CACNA2D3: variants seen among roughly 807,000 people sequenced by gnomAD.
CACNA2D3 encodes the protein voltage-dependent calcium channel subunit alpha-2/delta-3.
Under a neutral mutation model 160.6 loss-of-function variants are expected in CACNA2D3, and 60 were observed. The ratio of observed to expected loss-of-function variants is 0.37; its 90% confidence interval spans 0.30 to 0.46. The LOEUF (loss-of-function observed/expected upper bound fraction) is 0.46. Among genes scored for constraint, CACNA2D3 ranks in the 20% least tolerant of loss-of-function variants. The probability of loss-of-function intolerance (pLI) is 1.00; values close to 1 mark genes in which losing one functional copy is unlikely to be tolerated. For missense variants in CACNA2D3, 1,205 were observed against 1,365.0 expected (o/e 0.88, Z 1.85); for synonymous variants, 558 against 492.9 (o/e 1.13, Z -1.75).
chr3:54,808,485 G>A (rs1056081824), intron 13 of CACNA2D3, among the ~76,000 whole-genome samples: 13 of 152,030 alleles, frequency 8.6e-5, no homozygotes, highest in Non-Finnish European at 1.5e-4. Context: ...GTGGGAGAGG[G>A]GTGTAAATGA....
At chr3:54,796,407 C>A (rs963219834) in intron 13 of CACNA2D3, among the ~76,000 whole-genome samples, 1 of 152,058 alleles carries the variant, frequency 6.6e-6, no homozygotes, top group African/African-American at 2.4e-5. Context: ...TCATTGTTAG[C>A]CACTGGATCC....
chr3:55,002,127 G>A (rs1008822192), intron 31 of CACNA2D3, among the ~76,000 whole-genome samples: 2 of 149,890 alleles, frequency 1.3e-5, no homozygotes, highest in African/African-American at 5.0e-5. Flanking sequence ...TTGCACTCCA[G>A]CTTGGGTGAC....
At chr3:54,141,405 C>G (rs1367120512) in intron 2 of CACNA2D3, among the ~76,000 whole-genome samples, 1 of 152,102 alleles carries the variant, frequency 6.6e-6, no homozygotes, top group Non-Finnish European at 1.5e-5. Flanking sequence ...TTAAGCCTCC[C>G]AACCAACCTG....
At chr3:54,371,263 C>G (rs1248509109) in intron 3 of CACNA2D3, among the ~76,000 whole-genome samples, 2 of 152,002 alleles carry the variant, frequency 1.3e-5, no homozygotes, top group African/African-American at 2.4e-5. Flanking sequence ...TATGGTAACT[C>G]TTGTATTTAA....
chr3:54,811,912 A>G (rs1398668114), intron 13 of CACNA2D3, among the ~76,000 whole-genome samples: 2 of 152,216 alleles, frequency 1.3e-5, no homozygotes, highest in Admixed American at 1.3e-4. Flanking sequence ...CATCTGCAGA[A>G]TTAGAGTAAT....
intron 3 of CACNA2D3, among the ~76,000 whole-genome samples, chr3:54,335,310 A>C (rs1394159216): frequency 6.6e-6 from 1 of 152,218 alleles, no homozygotes; most frequent in East Asian, 1.9e-4. Flanking sequence ...TAAGAAAGTA[A>C]AGGAATAAAG....
At chr3:54,544,461 T>C (rs1238897279) in intron 5 of CACNA2D3, among the ~76,000 whole-genome samples, 1 of 152,078 alleles carries the variant, frequency 6.6e-6, no homozygotes, top group Non-Finnish European at 1.5e-5. Flanking sequence ...TGGAGTGCAG[T>C]GGCATGATCA....
chr3:54,483,824 C>T (rs1700972075), intron 4 of CACNA2D3, among the ~76,000 whole-genome samples: 1 of 152,178 alleles, frequency 6.6e-6, no homozygotes, highest in East Asian at 1.9e-4. Flanking sequence ...AATAGGTCAA[C>T]TCATTCAAAC....
At chr3:54,952,193 A>G (rs1210369606) in intron 27 of CACNA2D3, among the ~76,000 whole-genome samples, 1 of 152,084 alleles carries the variant, frequency 6.6e-6, no homozygotes, top group East Asian at 1.9e-4. Flanking sequence ...TTGGTTCTAT[A>G]CTATTTCTTC....
intron 27 of CACNA2D3, chr3:54,901,251 A>G (rs1245033739): frequency 2.6e-5 from 4 of 152,230 alleles, no homozygotes; most frequent in African/African-American, 7.2e-5. Flanking sequence ...TGGTCTGGCC[A>G]GAATATCTGG....
At chr3:55,067,021 A>C (rs1157606435) in intron 35 of CACNA2D3, among the ~76,000 whole-genome samples, 1 of 151,688 alleles carries the variant, frequency 6.6e-6, no homozygotes, top group Non-Finnish European at 1.5e-5. Flanking sequence ...GGCCCCTCCG[A>C]AGCACCATGT....
At chr3:54,809,760 CT>C (rs1703250275) in intron 13 of CACNA2D3, among the ~76,000 whole-genome samples, 1 of 150,422 alleles carries the variant, frequency 6.6e-6, no homozygotes, top group Non-Finnish European at 1.5e-5. Context: ...CCTCCCTGAT[CT>C]TTTTTTCTTT....
intron 13 of CACNA2D3, among the ~76,000 whole-genome samples, chr3:54,779,505 T>G (rs1358373274): frequency 1.3e-5 from 2 of 152,184 alleles, no homozygotes; most frequent in South Asian, 4.1e-4. Context: ...CAGTTGTACT[T>G]GTAATGTGCT....
rs537757810 is a variant in CACNA2D3, at chr3:54,402,188, C to T, written c.381+15414C>T. 7.3e-5 allele frequency among the ~76,000 whole-genome samples: 11 copies of T among 151,590 alleles called. No individual in the cohort carries two copies. In the South Asian group the frequency reaches 2.3e-3, roughly 32 times the overall value. On this transcript the variant is annotated intron_variant, in intron 4 of 37. Transcript: ENST00000474759. ...AGCACTACAGAAACTTACTAGATTA[C>T]AAAGATAAAAAACAAGAGAGGGAGA...
At chr3:54,381,640 C>T (rs191362144) in intron 3 of CACNA2D3, among the ~76,000 whole-genome samples, 190 of 152,250 alleles carry the variant, frequency 1.2e-3, no homozygotes, top group African/African-American at 4.3e-3. Flanking sequence ...GGGGAGGAAA[C>T]GGGACACTGT....
intron 4 of CACNA2D3, among the ~76,000 whole-genome samples, chr3:54,409,203 G>C (rs1160284095): frequency 2.6e-5 from 4 of 152,144 alleles, no homozygotes. Flanking sequence ...TCATGTCTTT[G>C]TGTCACACTT....
chr3:54,164,583 C>A (rs1041170097), intron 2 of CACNA2D3, among the ~76,000 whole-genome samples: 2 of 152,194 alleles, frequency 1.3e-5, no homozygotes, highest in Admixed American at 6.5e-5. Context: ...TCCTCTGATC[C>A]CTTTTTAGGC....
At chr3:54,351,311 C>T (rs977528968) in intron 3 of CACNA2D3, among the ~76,000 whole-genome samples, 1 of 151,998 alleles carries the variant, frequency 6.6e-6, no homozygotes, top group South Asian at 2.1e-4. Context: ...ATTTTTCTGT[C>T]TCTTTTTTCC....
chr3:54,467,109 A>G (rs1017026706), intron 4 of CACNA2D3, among the ~76,000 whole-genome samples: 3 of 151,954 alleles, frequency 2.0e-5, no homozygotes, highest in South Asian at 2.1e-4. Flanking sequence ...CAGACAAACA[A>G]CAATAGGGGT....
Sources: gnomAD v4.1 joint callset for allele counts (sites outside exome capture counted in the v4.1 genomes callset) on GRCh38, gnomAD v4.1.1 for gene constraint, MANE v1.5 for transcripts, NCBI Gene and HGNC (gene_info 2026-07-23, HGNC 2026-07-21) for gene names.